The following KCNB2 variants were observed in gnomAD, a reference collection of about 807,000 sequenced individuals.
KCNB2 encodes potassium voltage-gated channel subfamily B member 2.
Under a neutral mutation model 61.5 loss-of-function variants are expected in KCNB2, and 15 were observed. That is an observed-to-expected ratio of 0.24 (90% CI 0.16 to 0.38). KCNB2 has a LOEUF of 0.38. Ranked by LOEUF, KCNB2 falls within the 10% of genes least tolerant of loss-of-function variation. The pLI, the probability that KCNB2 is intolerant of heterozygous loss-of-function variation, is 1.00. For synonymous variants in KCNB2, 457 were observed against 446.0 expected (o/e 1.02, Z -0.31); for missense variants, 828 against 1,125.2 (o/e 0.74, Z 3.78).
chr8:72,908,807 G>T (rs1199677108), intron 2 of KCNB2, among the ~76,000 whole-genome samples: 6 of 152,160 alleles, frequency 3.9e-5, no homozygotes, highest in South Asian at 2.1e-4. Flanking sequence ...CCCTTTAAAA[G>T]ATTATCTCCT....
At chr8:72,580,031 G>A (rs987355624) in intron 2 of KCNB2, among the ~76,000 whole-genome samples, 2 of 152,176 alleles carry the variant, frequency 1.3e-5, no homozygotes, top group African/African-American at 4.8e-5. Context: ...CATACACTAA[G>A]CTTGTTGATT....
rs921884413 is a variant in KCNB2, at chr8:72,623,065, T to G, written c.579+54752T>G. 3.3e-5 allele frequency among the ~76,000 whole-genome samples: 5 copies of G among 152,144 alleles called. No individual in the cohort carries two copies. The East Asian group carries it at 9.6e-4, about 29-fold the overall frequency. ...GAAACTGAAGGTTTACAAATATCAT[T>G]TTTGGTGTGTCTTCATTGACTGAGT... On this transcript the variant is annotated intron_variant, in intron 2 of 2. Coordinates refer to ENST00000523207, the MANE Select transcript of KCNB2 (RefSeq NM_004770.3).
At chr8:72,749,142 G>A (rs1423808607) in intron 2 of KCNB2, among the ~76,000 whole-genome samples, 1 of 151,538 alleles carries the variant, frequency 6.6e-6, no homozygotes, top group African/African-American at 2.4e-5. Flanking sequence ...TTTATTTTTT[G>A]AGACCAGGTC....
At chr8:72,617,790 G>A (rs991139882) in intron 2 of KCNB2, among the ~76,000 whole-genome samples, 3 of 151,894 alleles carry the variant, frequency 2.0e-5, no homozygotes, top group African/African-American at 4.8e-5. Context: ...TGCTAAATTC[G>A]CCACCTCCCC....
intron 2 of KCNB2, among the ~76,000 whole-genome samples, chr8:72,572,432 A>C (rs1806724830): frequency 6.6e-6 from 1 of 152,146 alleles, no homozygotes; most frequent in Non-Finnish European, 1.5e-5. Flanking sequence ...TTTTCAGGAA[A>C]GCATACAGGT....
chr8:72,584,704 T>TAA (rs1458971842), intron 2 of KCNB2, among the ~76,000 whole-genome samples: 6 of 152,156 alleles, frequency 3.9e-5, no homozygotes, highest in Admixed American at 6.5e-5. Context: ...AGTAAACAGG[T>TAA]AAAATATTAT....
intron 1 of KCNB2, among the ~76,000 whole-genome samples, chr8:72,542,347 T>C (rs1288279937): frequency 6.6e-6 from 1 of 152,302 alleles, no homozygotes; most frequent in South Asian, 2.1e-4. Context: ...ACCTTGAACC[T>C]ACAATTGGCT....
At chr8:72,599,028 T>C (rs1451575492) in intron 2 of KCNB2, among the ~76,000 whole-genome samples, 2 of 152,168 alleles carry the variant, frequency 1.3e-5, no homozygotes, top group Non-Finnish European at 2.9e-5. Context: ...CTGCCCAAGG[T>C]AATTTATAGA....
intron 2 of KCNB2, among the ~76,000 whole-genome samples, chr8:72,930,225 G>T (rs1339559218): frequency 6.6e-6 from 1 of 151,492 alleles, no homozygotes; most frequent in African/African-American, 2.4e-5. Flanking sequence ...TTGGTTCCAG[G>T]TCTTTGCTGT....
At chr8:72,789,488 G>A (rs1808899961) in intron 2 of KCNB2, among the ~76,000 whole-genome samples, 1 of 152,158 alleles carries the variant, frequency 6.6e-6, no homozygotes. Flanking sequence ...GCTGGCTGTT[G>A]AAGGATGAAG....
At chr8:72,754,112 G>T (rs1488511451) in intron 2 of KCNB2, among the ~76,000 whole-genome samples, 1 of 152,146 alleles carries the variant, frequency 6.6e-6, no homozygotes, top group Admixed American at 6.6e-5. Flanking sequence ...CTGAACTGGA[G>T]CTATCAAGTT....
At chr8:72,777,561 T>C (rs1042835135) in intron 2 of KCNB2, among the ~76,000 whole-genome samples, 1 of 152,212 alleles carries the variant, frequency 6.6e-6, no homozygotes, top group Admixed American at 6.5e-5. Context: ...GAAAAAGTAT[T>C]GTCCCAGTTA....
At chr8:72,762,921 T>C (rs1450266207) in intron 2 of KCNB2, among the ~76,000 whole-genome samples, 1 of 147,266 alleles carries the variant, frequency 6.8e-6, no homozygotes, top group Admixed American at 6.8e-5. Flanking sequence ...CAAATACTCA[T>C]AAACATACAT....
At chr8:72,794,505 T>C (rs888361869) in intron 2 of KCNB2, among the ~76,000 whole-genome samples, 1 of 132,758 alleles carries the variant, frequency 7.5e-6, no homozygotes, top group Non-Finnish European at 1.5e-5. Context: ...ACAGAGGTTG[T>C]GGTGAGCTGA....
intron 2 of KCNB2, among the ~76,000 whole-genome samples, chr8:72,713,661 C>T (rs561955599): frequency 2.6e-5 from 4 of 152,168 alleles, no homozygotes; most frequent in Non-Finnish European, 5.9e-5. Flanking sequence ...CCCCTCTGTA[C>T]ATCACCATCA....
chr8:72,834,113 CTTAT>C (rs1809740451), intron 2 of KCNB2, among the ~76,000 whole-genome samples: 1 of 152,090 alleles, frequency 6.6e-6, no homozygotes, highest in Non-Finnish European at 1.5e-5. Context: ...TAATTATCTA[CTTAT>C]TTATGCATCT....
chr8:72,615,377 A>G (rs906091480), intron 2 of KCNB2, among the ~76,000 whole-genome samples: 1 of 152,232 alleles, frequency 6.6e-6, no homozygotes, highest in Non-Finnish European at 1.5e-5. Context: ...CATACGAGGC[A>G]CAAGATGAAG....
intron 2 of KCNB2, among the ~76,000 whole-genome samples, chr8:72,725,541 GTGTGTATA>G (rs1563571887): frequency 0.018 from 1,347 of 74,718 alleles, 52 homozygotes; most frequent in African/African-American, 0.08. Flanking sequence ...ATATATATAT[GTGTGTATA>G]TATATATGTA....
chr8:72,666,579 T>A (rs1474252831), intron 2 of KCNB2, among the ~76,000 whole-genome samples: 1 of 152,152 alleles, frequency 6.6e-6, no homozygotes, highest in Non-Finnish European at 1.5e-5. Context: ...GTGGTGCTGT[T>A]TTATTCAGTA....
Sources: allele counts gnomAD v4.1 joint callset (sites outside exome capture counted in the v4.1 genomes callset), GRCh38; gene constraint gnomAD v4.1.1; transcripts MANE v1.5; gene names NCBI Gene and HGNC (gene_info 2026-07-23, HGNC 2026-07-21).